The following CDH10 variants were observed in gnomAD, a reference collection of about 807,000 sequenced individuals.
CDH10 encodes the protein cadherin-10.
CDH10 carries 30 observed loss-of-function variants against 73.1 expected under a neutral mutation model. The ratio of observed to expected loss-of-function variants is 0.41; its 90% confidence interval spans 0.31 to 0.56. The LOEUF is 0.56. Ranked by LOEUF, CDH10 falls within the 20% of genes least tolerant of loss-of-function variation. The probability of loss-of-function intolerance (pLI) is 0.27; values close to 1 mark genes in which losing one functional copy is unlikely to be tolerated. For missense variants in CDH10, 815 were observed against 973.7 expected (o/e 0.84, Z 2.17); for synonymous variants, 345 against 348.2 (o/e 0.99, Z 0.10).
chr5:24,552,563 CCATT>C (rs1383880155), intron 2 of CDH10, among the ~76,000 whole-genome samples: 2 of 151,720 alleles, frequency 1.3e-5, no homozygotes, highest in African/African-American at 4.8e-5. Context: ...GCATCATTTT[CCATT>C]CATTAATTTC....
intron 7 of CDH10, among the ~76,000 whole-genome samples, chr5:24,507,768 G>T (rs1318735470): frequency 6.7e-6 from 1 of 149,294 alleles, no homozygotes; most frequent in East Asian, 2.0e-4. Flanking sequence ...AAAGGAAAAA[G>T]AAAAAAAAAC....
chr5:24,572,169 G>A (rs1281548886), intron 2 of CDH10, among the ~76,000 whole-genome samples: 1 of 152,064 alleles, frequency 6.6e-6, no homozygotes, highest in Non-Finnish European at 1.5e-5. Flanking sequence ...AAATTAACCT[G>A]GAACTTACAA....
intron 1 of CDH10, among the ~76,000 whole-genome samples, chr5:24,628,396 C>T (rs1747581216): frequency 6.6e-6 from 1 of 152,104 alleles, no homozygotes; most frequent in Admixed American, 6.6e-5. Context: ...CTGCAGACAC[C>T]AAGTGGTAAT....
chr5:24,582,985 T>G (rs1446683942), intron 2 of CDH10, among the ~76,000 whole-genome samples: 1 of 152,146 alleles, frequency 6.6e-6, no homozygotes, highest in Admixed American at 6.5e-5. Context: ...GCTTCAGGGT[T>G]TCTACTTGTA....
At chr5:24,544,971 G>A (rs1429311258) in intron 2 of CDH10, among the ~76,000 whole-genome samples, 1 of 152,080 alleles carries the variant, frequency 6.6e-6, no homozygotes, top group Non-Finnish European at 1.5e-5. Flanking sequence ...TATATTTACA[G>A]GCATTAACTG....
At chr5:24,512,226 C>G (rs1462055233) in intron 5 of CDH10, among the ~76,000 whole-genome samples, 1 of 152,132 alleles carries the variant, frequency 6.6e-6, no homozygotes, top group African/African-American at 2.4e-5. Flanking sequence ...GTTGCCCAGG[C>G]TGGTCTGAGC....
intron 2 of CDH10, among the ~76,000 whole-genome samples, chr5:24,538,084 CTTG>C (rs1744023739): frequency 2.6e-5 from 4 of 152,070 alleles, no homozygotes; most frequent in African/African-American, 9.6e-5. Context: ...CTGCTATAAA[CTTG>C]TTATTAGCTA....
At chr5:24,577,880 C>G (rs1363476927) in intron 2 of CDH10, among the ~76,000 whole-genome samples, 7 of 152,140 alleles carry the variant, frequency 4.6e-5, no homozygotes, top group African/African-American at 7.2e-5. Context: ...TGTTAAAGAG[C>G]ACAATGATCA....
chr5:24,552,707 G>T (rs1744591309), intron 2 of CDH10, among the ~76,000 whole-genome samples: 1 of 151,716 alleles, frequency 6.6e-6, no homozygotes, highest in Non-Finnish European at 1.5e-5. Context: ...CAATATTTTT[G>T]TCACCACTAT....
intron 1 of CDH10, among the ~76,000 whole-genome samples, chr5:24,607,972 T>A (rs1746816167): frequency 6.6e-6 from 1 of 152,198 alleles, no homozygotes; most frequent in African/African-American, 2.4e-5. Flanking sequence ...AACCTAGCCA[T>A]TTTGACCTTC....
chr5:24,638,991 G>A (rs956949771), intron 1 of CDH10, among the ~76,000 whole-genome samples: 2 of 151,382 alleles, frequency 1.3e-5, no homozygotes, highest in East Asian at 3.9e-4. Context: ...AAATTTTAAC[G>A]TTTTGGTTTA....
chr5:24,577,154 A>C (rs2112042560), intron 2 of CDH10, among the ~76,000 whole-genome samples: 1 of 152,198 alleles, frequency 6.6e-6, no homozygotes, highest in African/African-American at 2.4e-5. Context: ...AATGCACTGT[A>C]GTTTTCTGGT....
At chr5:24,501,526 G>C (rs1235315228) in intron 8 of CDH10, among the ~76,000 whole-genome samples, 2 of 152,136 alleles carry the variant, frequency 1.3e-5, no homozygotes, top group Non-Finnish European at 2.9e-5. Context: ...AAGTTCTTCA[G>C]GGAAACACTA....
chr5:24,586,678 C>T (rs988185373), intron 2 of CDH10, among the ~76,000 whole-genome samples: 2 of 151,450 alleles, frequency 1.3e-5, no homozygotes, highest in Non-Finnish European at 2.9e-5. Flanking sequence ...CTCCTGACCT[C>T]AGGTGATCCA....
At chr5:24,508,463 T>C (rs1292388027) in intron 7 of CDH10, among the ~76,000 whole-genome samples, 2 of 152,146 alleles carry the variant, frequency 1.3e-5, no homozygotes, top group African/African-American at 4.8e-5. Flanking sequence ...TCAACTTTGA[T>C]GGCTGTGCAT....
In CDH10 at chr5:24,593,379, T is replaced by C. The variant is rs575869875; in HGVS notation, c.112A>G (p.Ser38Gly). The change falls in exon 2 of 12, where the codon AGT (serine) becomes GGT (glycine). Residue 38 changes from serine (S) to glycine (G), a missense_variant. Physicochemically the swap from Ser to Gly is moderately conservative, Grantham distance 56. Around this residue, in one of 3 missense-constraint regions of CDH10, gnomAD observed 58 missense variants for 96.7 expected, o/e 0.60. Transcript: ENST00000264463. ...CCATCACTCCTTGGTACACGTGAAC[T>C]TAAAATTCTTTGCTGTGGCACAGGC... Reference protein sequence around the residue: ...RTPVPQQRILSSRVPRSDGKI... With the variant: ...RTPVPQQRILGSRVPRSDGKI... The C allele has an allele frequency of 1.9e-6, 3 of 1,612,624 alleles. No individual in the cohort carries two copies. The highest frequency in any genetic ancestry group is 2.5e-6 in the Non-Finnish European group (3 of 1,178,748).
intron 1 of CDH10, among the ~76,000 whole-genome samples, chr5:24,619,795 A>G (rs951926381): frequency 6.6e-6 from 1 of 152,184 alleles, no homozygotes. Flanking sequence ...ACCCCAGACC[A>G]CTAGCTAACT....
In CDH10 at chr5:24,487,567, C is replaced by T. The variant is rs1579703795; in HGVS notation, c.*96G>A. 3 of 1,237,998 alleles carry T rather than the reference C, an allele frequency of 2.4e-6. No homozygotes were observed. Among genetic ancestry groups the T allele is most frequent in the East Asian group, 4.7e-5 (2 of 42,754 alleles). The allele number at this position is 1,237,998 out of a possible 1,614,324, so 76.7% of individuals were successfully genotyped here. ...TAAATGAGAAAAAAAATTGTGCTGA[C>T]TGGCAGGAAAATGCTCCTGAATATC... On this transcript the variant is annotated 3_prime_UTR_variant, in exon 12 of 12. Coordinates refer to ENST00000264463, the MANE Select transcript of CDH10 (RefSeq NM_006727.5).
chr5:24,541,631 T>C (rs2111913082), intron 2 of CDH10, among the ~76,000 whole-genome samples: 1 of 152,238 alleles, frequency 6.6e-6, no homozygotes, highest in South Asian at 2.1e-4. Context: ...TTTTACTATT[T>C]TATTATGTGA....
Sources: gnomAD v4.1 joint callset for allele counts (sites outside exome capture counted in the v4.1 genomes callset) on GRCh38, gnomAD v4.1.1 for gene constraint, gnomAD v4.1.1 regional missense constraint, MANE v1.5 for transcripts, NCBI Gene and HGNC (gene_info 2026-07-23, HGNC 2026-07-21) for gene names.